The following CHN1 variants were observed in gnomAD, a reference collection of about 807,000 sequenced individuals.
CHN1 encodes the protein chimerin 1.
Under a neutral mutation model 59.5 loss-of-function variants are expected in CHN1, and 37 were observed. The observed-to-expected ratio is 0.62, with a 90% CI of 0.48 to 0.82. The LOEUF (loss-of-function observed/expected upper bound fraction) is 0.82. Ranked by LOEUF, CHN1 falls within the 40% of genes least tolerant of loss-of-function variation. The probability of loss-of-function intolerance (pLI) is 0.00; values close to 1 mark genes in which losing one functional copy is unlikely to be tolerated. For synonymous variants in CHN1, 206 were observed against 200.4 expected (o/e 1.03, Z -0.24); for missense variants, 469 against 571.0 (o/e 0.82, Z 1.82).
chr2:175,001,530 T>C (rs1237422980), intron 1 of CHN1, among the ~76,000 whole-genome samples: 1 of 152,162 alleles, frequency 6.6e-6, no homozygotes, highest in Non-Finnish European at 1.5e-5. Context: ...GGAAAGATGG[T>C]ACAAAATTAT....
chr2:174,804,053 T>C (rs573714267), intron 11 of CHN1, among the ~76,000 whole-genome samples: 117 of 151,918 alleles, frequency 7.7e-4, no homozygotes, highest in African/African-American at 2.6e-3. Flanking sequence ...ACCATGAATA[T>C]GATATATTAT....
chr2:174,838,240 TGC>T (rs1686161260), intron 7 of CHN1, among the ~76,000 whole-genome samples: 1 of 152,076 alleles, frequency 6.6e-6, no homozygotes, highest in Non-Finnish European at 1.5e-5. Context: ...ATTACAGGCA[TGC>T]ACCATCACGC....
Position 174,823,625 on chromosome 2 carries a change from T to G in CHN1, c.712+809A>C, listed in dbSNP as rs539780570. Among the ~76,000 whole-genome samples the G allele has an allele frequency of 4.0e-5, 6 of 151,054 alleles. No homozygotes were observed. In the East Asian group the frequency reaches 1.2e-3, roughly 29 times the overall value. Reference sequence around the variant, plus strand: ...TTGCAGTGAGCCGAGATCGCGCTACTGCACTCCAGCCTGGGAGACAGAGTG... The same window carrying G: ...TTGCAGTGAGCCGAGATCGCGCTACGGCACTCCAGCCTGGGAGACAGAGTG... On this transcript the variant is annotated intron_variant, in intron 8 of 12. Transcript: ENST00000409900.
intron 6 of CHN1, among the ~76,000 whole-genome samples, chr2:174,868,558 G>A (rs949717310): frequency 6.6e-6 from 1 of 152,126 alleles, no homozygotes; most frequent in Non-Finnish European, 1.5e-5. Flanking sequence ...CTTTTTAAAA[G>A]AAATTAGAAT....
At chr2:174,999,810 G>C (rs993387521) in intron 1 of CHN1, among the ~76,000 whole-genome samples, 11 of 152,078 alleles carry the variant, frequency 7.2e-5, no homozygotes, top group Non-Finnish European at 1.5e-4. Context: ...GGAGAGGGAG[G>C]ATTTTTTAAA....
At chr2:174,811,941 G>C (rs971001236) in intron 9 of CHN1, among the ~76,000 whole-genome samples, 1 of 126,262 alleles carries the variant, frequency 7.9e-6, no homozygotes, top group Non-Finnish European at 1.6e-5. Context: ...TTAGGATGCA[G>C]CTCTGTTTTT....
intron 7 of CHN1, among the ~76,000 whole-genome samples, chr2:174,844,753 C>A (rs905543129): frequency 6.6e-6 from 1 of 152,096 alleles, no homozygotes; most frequent in African/African-American, 2.4e-5. Flanking sequence ...TGCCACCCCA[C>A]AGAAACATTT....
chr2:174,902,513 C>T (rs1305263080), intron 5 of CHN1, among the ~76,000 whole-genome samples: 1 of 152,146 alleles, frequency 6.6e-6, no homozygotes, highest in Non-Finnish European at 1.5e-5. Flanking sequence ...TTATCACTTA[C>T]TCTTATATCT....
chr2:174,957,370 G>T (rs1403497937), intron 1 of CHN1, among the ~76,000 whole-genome samples: 1 of 142,980 alleles, frequency 7.0e-6, no homozygotes, highest in African/African-American at 2.6e-5. Flanking sequence ...GAACAGGCAG[G>T]TCATATGACT....
chr2:174,848,160 T>C (rs1185923533), intron 6 of CHN1, among the ~76,000 whole-genome samples: 3 of 152,212 alleles, frequency 2.0e-5, no homozygotes, highest in East Asian at 1.9e-4. Context: ...ATGAGTAGTT[T>C]TGTTGTGGGC....
intron 3 of CHN1, among the ~76,000 whole-genome samples, chr2:174,937,944 CTT>C (rs1398534203): frequency 1.3e-5 from 2 of 152,090 alleles, no homozygotes; most frequent in African/African-American, 4.8e-5. Context: ...AAATAAACCT[CTT>C]TTTAAAATAC....
chr2:174,856,478 CAAT>C (rs1311536363), intron 6 of CHN1, among the ~76,000 whole-genome samples: 2 of 152,226 alleles, frequency 1.3e-5, no homozygotes, highest in African/African-American at 2.4e-5. Context: ...GATTCACATG[CAAT>C]AATATTTAAA....
chr2:174,894,919 CTCTG>C (rs1688164421), intron 5 of CHN1, among the ~76,000 whole-genome samples: 1 of 152,040 alleles, frequency 6.6e-6, no homozygotes, highest in African/African-American at 2.4e-5. Context: ...CCCCTTCACT[CTCTG>C]TCTCTCCCAG....
At chr2:174,910,003 T>A (rs1688645432) in intron 5 of CHN1, among the ~76,000 whole-genome samples, 1 of 152,222 alleles carries the variant, frequency 6.6e-6, no homozygotes. Context: ...TTCTAAAGTC[T>A]ATACTACAAC....
At chr2:174,905,657 C>T (rs1028619253) in intron 5 of CHN1, among the ~76,000 whole-genome samples, 5 of 152,064 alleles carry the variant, frequency 3.3e-5, no homozygotes, top group African/African-American at 9.7e-5. Flanking sequence ...CTCCACCTCC[C>T]GGGTTCATGC....
chr2:174,891,556 G>A lies in CHN1; in HGVS notation c.261-13428C>T, dbSNP rs191036191. On this transcript the variant is annotated intron_variant, in intron 5 of 12. Transcript: ENST00000409900. The stretch of plus-strand genomic sequence containing the variant: ...TGCATTCCAGCCTGGGTGACAGAGC[G>A]AGACTCCATCTCAAAAAAAAAAAAA... 2.0e-3 allele frequency among the ~76,000 whole-genome samples: 300 copies of A among 146,534 alleles called. 3 individuals are homozygous for A. Among genetic ancestry groups the A allele is most frequent in the Non-Finnish European group, 2.3e-3 (151 of 66,920 alleles).
In CHN1 at chr2:174,897,445, A is replaced by G. The variant is rs187531368; in HGVS notation, c.260+17613T>C. On this transcript the variant is annotated intron_variant, in intron 5 of 12. Coordinates refer to ENST00000409900, the MANE Select transcript of CHN1 (RefSeq NM_001822.7). ...TGCTTGTGTGTGTGTGTGTGTGTGTATATACGTATATATAAACATATATAT... is the reference window on the plus strand; with the variant it reads ...TGCTTGTGTGTGTGTGTGTGTGTGTGTATACGTATATATAAACATATATAT... Among the ~76,000 whole-genome samples the G allele has an allele frequency of 5.4e-4, 81 of 149,522 alleles. 1 individual carries two copies. The highest frequency in any genetic ancestry group is 3.1e-3 in the South Asian group (15 of 4,800).
intron 6 of CHN1, among the ~76,000 whole-genome samples, chr2:174,868,915 G>T (rs1226886155): frequency 1.3e-5 from 2 of 152,178 alleles, no homozygotes; most frequent in Non-Finnish European, 2.9e-5. Context: ...ATGCAGAAAT[G>T]ATAGTTTTTC....
At chr2:174,846,565 T>C in intron 7 of CHN1, 2 of 1,147,356 alleles carry the variant, frequency 1.7e-6, no homozygotes, top group Non-Finnish European at 2.4e-6. Flanking sequence ...TTCAGACACA[T>C]TTGTATCACA....
Sources: allele counts gnomAD v4.1 joint callset (sites outside exome capture counted in the v4.1 genomes callset), GRCh38; gene constraint gnomAD v4.1.1; transcripts MANE v1.5; gene names NCBI Gene and HGNC (gene_info 2026-07-23, HGNC 2026-07-21).